The following TRPM3 variants were observed in gnomAD, a reference collection of about 807,000 sequenced individuals.
TRPM3 encodes long transient receptor potential channel 3.
In TRPM3, 77 loss-of-function variants were observed where a neutral mutation model predicts 181.2. That is an observed-to-expected ratio of 0.42 (90% CI 0.35 to 0.51). The LOEUF is 0.51. Ranked by LOEUF, TRPM3 falls within the 20% of genes least tolerant of loss-of-function variation. The pLI is 0.01. For synonymous variants in TRPM3, 745 were observed against 796.4 expected (o/e 0.94, Z 1.09); for missense variants, 1,759 against 2,196.7 (o/e 0.80, Z 3.98).
intron 1 of TRPM3, among the ~76,000 whole-genome samples, chr9:71,101,007 GC>G (rs1284053035): frequency 1.3e-5 from 2 of 151,868 alleles, no homozygotes. Flanking sequence ...TTCTCTACTT[GC>G]TTTTTCTCAT....
chr9:70,964,395 G>C (rs2097166130), intron 1 of TRPM3, among the ~76,000 whole-genome samples: 1 of 152,042 alleles, frequency 6.6e-6, no homozygotes, highest in Non-Finnish European at 1.5e-5. Flanking sequence ...AGACATTTTG[G>C]TAAGTGGCAG....
At chr9:70,819,256 C>T (rs760113877) in intron 6 of TRPM3, among the ~76,000 whole-genome samples, 8 of 152,114 alleles carry the variant, frequency 5.3e-5, no homozygotes, top group Non-Finnish European at 1.2e-4. Context: ...TGTGACAACC[C>T]CAAATCCCAC....
Position 71,002,715 on chromosome 9 carries a change from G to A in TRPM3, c.177+118463C>T, listed in dbSNP as rs1032386461. ...CCAAATTCTAATGAATTATAAATAA[G>A]TAAAAGGCATAGCTCTAACTTAAAT... On this transcript the variant is annotated intron_variant, in intron 1 of 25. Transcript: ENST00000677713. Among the ~76,000 whole-genome samples, 3 of 151,932 alleles carry A rather than the reference G, an allele frequency of 2.0e-5. No individual in the cohort carries two copies. The South Asian group carries it at 6.2e-4, about 32-fold the overall frequency.
At chr9:71,445,743 TACA>T (rs973127510) in intron 1 of TRPM3, among the ~76,000 whole-genome samples, 15 of 152,148 alleles carry the variant, frequency 9.9e-5, no homozygotes, top group African/African-American at 3.4e-4. Context: ...CTCTTCAATA[TACA>T]ACATCTGCTG....
intron 9 of TRPM3, among the ~76,000 whole-genome samples, chr9:70,659,971 T>C (rs2060889942): frequency 6.6e-6 from 1 of 152,208 alleles, no homozygotes. Context: ...TTGTCTGTTG[T>C]TGTTTTTCTC....
At chr9:71,408,771 T>C (rs2093485845) in intron 1 of TRPM3, among the ~76,000 whole-genome samples, 1 of 152,040 alleles carries the variant, frequency 6.6e-6, no homozygotes, top group Non-Finnish European at 1.5e-5. Flanking sequence ...AAGATACTCC[T>C]CGAGGAGAGC....
In TRPM3 at chr9:70,640,569, T is replaced by C; in HGVS notation, c.1437A>G (p.Gln479=). The change falls in exon 10 of 26, where the codon CAA becomes CAG. Residue 479 remains glutamine (Q), a synonymous_variant. Transcript: ENST00000677713. The part of the protein sequence containing the change: ...IARSQIFIYG[Q]QWPVGSLEQA... ...ACGATATATACTCTACCGGCCACTG[T>C]TGCCCGTAAATAAAGATCTGGCTGC... 1 of 1,613,156 alleles carries C rather than the reference T, an allele frequency of 6.2e-7. No homozygotes were observed. The highest frequency in any genetic ancestry group is 1.1e-5 in the South Asian group (1 of 90,846).
At chr9:71,139,772 G>A (rs1385920744) in intron 1 of TRPM3, among the ~76,000 whole-genome samples, 11 of 152,148 alleles carry the variant, frequency 7.2e-5, no homozygotes, top group Admixed American at 7.2e-4. Flanking sequence ...CGTACTCTTA[G>A]TTGGCTACCT....
intron 1 of TRPM3, among the ~76,000 whole-genome samples, chr9:71,377,200 C>A (rs572810467): frequency 1.3e-5 from 2 of 152,166 alleles, no homozygotes; most frequent in African/African-American, 4.8e-5. Flanking sequence ...AATGGCCATT[C>A]ATTAACAATT....
intron 1 of TRPM3, among the ~76,000 whole-genome samples, chr9:71,130,691 C>T (rs185630288): frequency 1.0e-3 from 154 of 152,150 alleles, no homozygotes; most frequent in Admixed American, 5.0e-3. Flanking sequence ...CAAAGCCATC[C>T]GCAGGCGCCT....
intron 6 of TRPM3, among the ~76,000 whole-genome samples, chr9:70,788,139 T>C (rs7034415): frequency 0.25 from 34,537 of 139,516 alleles, 5,073 homozygotes; most frequent in African/African-American, 0.37. Context: ...ATTAGGTATA[T>C]CTCCCAATGC....
intron 1 of TRPM3, among the ~76,000 whole-genome samples, chr9:71,139,145 C>G (rs2074948968): frequency 6.6e-6 from 1 of 152,100 alleles, no homozygotes; most frequent in East Asian, 1.9e-4. Flanking sequence ...TTCCAAATTG[C>G]TGTCCTCACT....
chr9:70,981,738 C>A (rs1265340220), intron 1 of TRPM3, among the ~76,000 whole-genome samples: 1 of 152,158 alleles, frequency 6.6e-6, no homozygotes, highest in East Asian at 1.9e-4. Flanking sequence ...ATGCTAATAA[C>A]TATTATCATG....
chr9:70,680,646 G>A (rs2065179414), intron 9 of TRPM3, among the ~76,000 whole-genome samples: 1 of 152,186 alleles, frequency 6.6e-6, no homozygotes, highest in Non-Finnish European at 1.5e-5. Flanking sequence ...AACAAACTAT[G>A]GGGCTAAGAG....
chr9:70,756,551 CA>C (rs148990634), intron 8 of TRPM3, among the ~76,000 whole-genome samples: 4,997 of 152,240 alleles, frequency 0.033, 83 homozygotes, highest in Middle Eastern at 0.054. Flanking sequence ...TTCTTCTCAG[CA>C]CCGCATCACA....
intron 1 of TRPM3, among the ~76,000 whole-genome samples, chr9:71,231,381 T>C (rs1318585504): frequency 6.6e-6 from 1 of 152,162 alleles, no homozygotes; most frequent in African/African-American, 2.4e-5. Context: ...ATCACTGTTT[T>C]TGAATATGGA....
intron 1 of TRPM3, among the ~76,000 whole-genome samples, chr9:70,957,446 G>C (rs1160202430): frequency 6.6e-6 from 1 of 152,050 alleles, no homozygotes; most frequent in Non-Finnish European, 1.5e-5. Context: ...AGGTGCTCTG[G>C]GGTTAAAAGG....
chr9:71,283,131 A>G (rs2084983318), intron 1 of TRPM3, among the ~76,000 whole-genome samples: 1 of 151,876 alleles, frequency 6.6e-6, no homozygotes, highest in Non-Finnish European at 1.5e-5. Context: ...CTCCTCCTCC[A>G]AGTCCTTGGA....
At chr9:70,649,863 A>T (rs2133767185) in intron 9 of TRPM3, among the ~76,000 whole-genome samples, 1 of 152,310 alleles carries the variant, frequency 6.6e-6, no homozygotes, top group Admixed American at 6.5e-5. Flanking sequence ...ATGCACATGA[A>T]TTTTTATCAC....
Sources: gnomAD v4.1 joint callset for allele counts (sites outside exome capture counted in the v4.1 genomes callset) on GRCh38, gnomAD v4.1.1 for gene constraint, MANE v1.5 for transcripts, NCBI Gene and HGNC (gene_info 2026-07-23, HGNC 2026-07-21) for gene names.